Variants in DYTN observed in about 807,000 individuals in gnomAD.
DYTN encodes the protein dystrotelin.
In DYTN, 75 loss-of-function variants were observed where a neutral mutation model predicts 69.6. That is an observed-to-expected ratio of 1.08 (90% CI 0.89 to 1.31). DYTN has a LOEUF of 1.31. Ranked by LOEUF, DYTN falls within the 50% of genes most tolerant of loss-of-function variation. The probability of loss-of-function intolerance (pLI) is 0.00; values close to 1 mark genes in which losing one functional copy is unlikely to be tolerated. For synonymous variants in DYTN, 252 were observed against 249.1 expected (o/e 1.01, Z -0.11); for missense variants, 726 against 688.4 (o/e 1.05, Z -0.61).
intron 1 of DYTN, among the ~76,000 whole-genome samples, chr2:206,717,399 G>C (rs1296477277): frequency 6.6e-6 from 1 of 152,112 alleles, no homozygotes; most frequent in Non-Finnish European, 1.5e-5. Flanking sequence ...TGTCACCTGG[G>C]AACCTGTTAG....
intron 1 of DYTN, among the ~76,000 whole-genome samples, chr2:206,712,217 G>C (rs1369342023): frequency 6.6e-6 from 1 of 152,182 alleles, no homozygotes; most frequent in Non-Finnish European, 1.5e-5. Context: ...TCGGAATCTA[G>C]GGGTGAGAAT....
chr2:206,707,057 T>A (rs1354190686), intron 3 of DYTN, among the ~76,000 whole-genome samples: 1 of 152,216 alleles, frequency 6.6e-6, no homozygotes, highest in Non-Finnish European at 1.5e-5. Flanking sequence ...AGTGAATTTG[T>A]CTGAAGGAAA....
intron 1 of DYTN, among the ~76,000 whole-genome samples, chr2:206,714,229 C>T (rs879897266): frequency 6.6e-6 from 1 of 152,078 alleles, no homozygotes; most frequent in South Asian, 2.1e-4. Flanking sequence ...TGTTTTGAGA[C>T]GGAGTCTCGC....
intron 5 of DYTN, among the ~76,000 whole-genome samples, 191 bp from the exon 6 acceptor site, chr2:206,700,407 T>C (rs1311612999): frequency 6.6e-6 from 1 of 151,930 alleles, no homozygotes; most frequent in Non-Finnish European, 1.5e-5. Flanking sequence ...GTTAAGACAA[T>C]GAATAAGCAA....
chr2:206,667,243 C>T (rs963574065), intron 9 of DYTN, among the ~76,000 whole-genome samples: 8 of 152,286 alleles, frequency 5.3e-5, no homozygotes, highest in East Asian at 1.9e-4. Context: ...TCTTGCTTTC[C>T]GGCTTATTCA....
chr2:206,674,654 G>T (rs1282742887), intron 9 of DYTN, among the ~76,000 whole-genome samples: 4 of 151,994 alleles, frequency 2.6e-5, no homozygotes, highest in Non-Finnish European at 5.9e-5. Flanking sequence ...ATTCATAAAT[G>T]TTGCAATTCT....
chr2:206,715,151 G>A (rs1217630180), intron 1 of DYTN, among the ~76,000 whole-genome samples: 1 of 152,072 alleles, frequency 6.6e-6, no homozygotes, highest in Non-Finnish European at 1.5e-5. Context: ...GAAACAGGTG[G>A]GAATCAGGGA....
chr2:206,680,195 G>A (rs187277546), intron 9 of DYTN, among the ~76,000 whole-genome samples: 14 of 152,312 alleles, frequency 9.2e-5, no homozygotes, highest in Admixed American at 4.6e-4. Context: ...ACAAAAGCAC[G>A]TCTTACATGG....
intron 1 of DYTN, 39 bp from the exon 2 acceptor site, chr2:206,710,637 C>T: frequency 6.9e-7 from 1 of 1,456,894 alleles, no homozygotes; most frequent in South Asian, 1.3e-5. Flanking sequence ...TAAAGTCTCT[C>T]TCATTATATA....
chr2:206,670,168 G>A (rs971871746), intron 9 of DYTN, among the ~76,000 whole-genome samples: 13 of 152,224 alleles, frequency 8.5e-5, no homozygotes, highest in African/African-American at 2.6e-4. Context: ...TTAGAAGAAG[G>A]TAAAACACAT....
chr2:206,686,620 C>G (rs111286289), intron 9 of DYTN: 1 of 152,172 alleles, frequency 6.6e-6, no homozygotes, highest in Non-Finnish European at 1.5e-5. Flanking sequence ...CTTCAGCATG[C>G]GGCAGGTAAA....
At chr2:206,668,140 C>A (rs1383524990) in intron 9 of DYTN, among the ~76,000 whole-genome samples, 3 of 152,170 alleles carry the variant, frequency 2.0e-5, no homozygotes, top group Admixed American at 2.0e-4. Flanking sequence ...AAAAAACATT[C>A]TCAGACAGCC....
chr2:206,700,291 GCT>G, intron 5 of DYTN, 75 bp from the exon 6 acceptor site: 1 of 1,521,228 alleles, frequency 6.6e-7, no homozygotes. Flanking sequence ...AGGGCTGAGA[GCT>G]GGTGCCCACG....
chr2:206,693,522 C>A (rs960721547), intron 8 of DYTN, among the ~76,000 whole-genome samples, 199 bp from the exon 9 acceptor site: 5 of 152,118 alleles, frequency 3.3e-5, no homozygotes, highest in African/African-American at 1.2e-4. Context: ...AAATTAAACA[C>A]CCCAAACCCC....
chr2:206,662,870 C>T lies in DYTN; in HGVS notation c.1633+33G>A, dbSNP rs139583182. ...TAAAAAGGCAGCTTGAATCCTTGGCCATCACGATGTCTATGGATTGTGAAA... is the reference window on the plus strand; with the variant it reads ...TAAAAAGGCAGCTTGAATCCTTGGCTATCACGATGTCTATGGATTGTGAAA... On this transcript the variant is annotated intron_variant, in intron 11 of 11. Transcript: ENST00000452335. 114 of 1,572,088 alleles carry T rather than the reference C, an allele frequency of 7.3e-5. 1 individual carries two copies. The highest frequency in any genetic ancestry group is 3.4e-4 in the Middle Eastern group (2 of 5,826).
chr2:206,679,494 C>T (rs1427131569), intron 9 of DYTN, among the ~76,000 whole-genome samples: 1 of 152,156 alleles, frequency 6.6e-6, no homozygotes, highest in Non-Finnish European at 1.5e-5. Flanking sequence ...GTTATAAATG[C>T]AGGTATGTGT....
At chr2:206,692,280 A>AG (rs1190252376) in intron 9 of DYTN, among the ~76,000 whole-genome samples, 1 of 152,070 alleles carries the variant, frequency 6.6e-6, no homozygotes, top group East Asian at 1.9e-4. Flanking sequence ...AAAAAAAAAA[A>AG]AAGTGTTTCT....
chr2:206,705,929 G>A, intron 3 of DYTN, 56 bp from the exon 4 acceptor site: 4 of 1,571,664 alleles, frequency 2.5e-6, no homozygotes, highest in Non-Finnish European at 3.5e-6. Flanking sequence ...TACCTTTGGT[G>A]TAATGGATGA....
In DYTN at chr2:206,651,705, T is replaced by C; in HGVS notation, c.*113A>G. On this transcript the variant is annotated 3_prime_UTR_variant, in exon 12 of 12. Transcript: ENST00000452335. The stretch of plus-strand genomic sequence containing the variant: ...GATCAAAAAACAAAACCTGTTTTCT[T>C]CATAGTTCACACTAAACTATTAAAA... 2.1e-6 allele frequency: 2 copies of C among 973,812 alleles called. No individual in the cohort carries two copies. Among genetic ancestry groups the C allele is most frequent in the Middle Eastern group, 2.3e-4 (1 of 4,390 alleles). 60.3% of individuals were successfully genotyped at this position (973,812 alleles called of 1,614,324 possible). A position where few individuals can be genotyped will look rare whatever the true frequency, so the allele number is the denominator to read the frequency against.
Sources: gnomAD v4.1 joint callset for allele counts (sites outside exome capture counted in the v4.1 genomes callset) on GRCh38, gnomAD v4.1.1 for gene constraint, MANE v1.5 for transcripts, NCBI Gene and HGNC (gene_info 2026-07-23, HGNC 2026-07-21) for gene names.